The following ASH1L variants were observed in gnomAD, a reference collection of about 807,000 sequenced individuals.
The protein encoded by ASH1L is ASH1 like histone lysine methyltransferase.
Under a neutral mutation model 269.0 loss-of-function variants are expected in ASH1L, and 23 were observed. The ratio of observed to expected loss-of-function variants is 0.09; its 90% confidence interval spans 0.06 to 0.12. ASH1L has a LOEUF of 0.12. ASH1L is among the 10% of genes least tolerant of loss of function. The pLI is 1.00. For missense variants in ASH1L, 2,912 were observed against 3,567.8 expected (o/e 0.82, Z 4.68); for synonymous variants, 1,187 against 1,253.5 (o/e 0.95, Z 1.12).
intron 12 of ASH1L, among the ~76,000 whole-genome samples, chr1:155,363,634 G>A (rs1013335826): frequency 6.6e-6 from 1 of 152,088 alleles, no homozygotes; most frequent in Non-Finnish European, 1.5e-5. Flanking sequence ...TAGGTGCAAA[G>A]CCAACAAGTT....
chr1:155,467,982 C>A (rs1185452523), intron 3 of ASH1L, among the ~76,000 whole-genome samples: 2 of 152,124 alleles, frequency 1.3e-5, no homozygotes, highest in Non-Finnish European at 2.9e-5. Flanking sequence ...ACATTTGTCA[C>A]AACCAAGAAA....
At chr1:155,459,404 C>G (rs1392183532) in intron 4 of ASH1L, among the ~76,000 whole-genome samples, 3 of 152,172 alleles carry the variant, frequency 2.0e-5, no homozygotes, top group Non-Finnish European at 4.4e-5. Flanking sequence ...CCATGTTGAA[C>G]AGGGTGGTCT....
chr1:155,380,444 C>T (rs1246010226), intron 7 of ASH1L, among the ~76,000 whole-genome samples: 2 of 152,080 alleles, frequency 1.3e-5, no homozygotes, highest in East Asian at 1.9e-4. Flanking sequence ...CTGGCACCTG[C>T]TCTTCATTAT....
chr1:155,454,091 C>G (rs1292668378), intron 4 of ASH1L, among the ~76,000 whole-genome samples: 2 of 152,120 alleles, frequency 1.3e-5, no homozygotes, highest in African/African-American at 4.8e-5. Flanking sequence ...AGCGACGGAG[C>G]AAGACTCCAT....
At chr1:155,368,163 T>G (rs1203708252) in intron 12 of ASH1L, among the ~76,000 whole-genome samples, 5 of 152,116 alleles carry the variant, frequency 3.3e-5, no homozygotes, top group Admixed American at 3.3e-4. Flanking sequence ...TATTTAAATT[T>G]TATCTTTAAA....
chr1:155,540,397 C>T (rs1571108176), intron 1 of ASH1L, among the ~76,000 whole-genome samples: 4 of 152,148 alleles, frequency 2.6e-5, no homozygotes, highest in Non-Finnish European at 5.9e-5. Context: ...TTGTTGTTAA[C>T]TGCCCCTACA....
intron 13 of ASH1L, among the ~76,000 whole-genome samples, chr1:155,359,335 G>A (rs1054235471): frequency 6.6e-6 from 1 of 152,170 alleles, no homozygotes; most frequent in African/African-American, 2.4e-5. Flanking sequence ...CCAGGATGGA[G>A]TGCATTGGCG....
chr1:155,455,851 T>C (rs1411613846), intron 4 of ASH1L, among the ~76,000 whole-genome samples: 1 of 152,220 alleles, frequency 6.6e-6, no homozygotes, highest in East Asian at 1.9e-4. Context: ...TAAGAGCTTG[T>C]GGTCAGGAAC....
intron 2 of ASH1L, among the ~76,000 whole-genome samples, chr1:155,505,962 A>G (rs1259226798): frequency 6.6e-6 from 1 of 152,092 alleles, no homozygotes; most frequent in Non-Finnish European, 1.5e-5. Flanking sequence ...TACATTAGGT[A>G]TATCTCCTAA....
rs560658864 is a variant in ASH1L, at chr1:155,546,097, G to T, written c.-100+16056C>A. The stretch of plus-strand genomic sequence containing the variant: ...CGCTTGAGCCTGGGAGATGGAGGCT[G>T]CAGTGAGCTGAGATGGTGCCACTGC... On this transcript the variant is annotated intron_variant, in intron 1 of 27. Coordinates refer to ENST00000392403, the MANE Select transcript of ASH1L (RefSeq NM_018489.3). 3.3e-5 allele frequency among the ~76,000 whole-genome samples: 5 copies of T among 149,882 alleles called. No homozygotes were observed. The Admixed American group carries it at 3.4e-4, about 10-fold the overall frequency.
chr1:155,438,890 C>G lies in ASH1L; in HGVS notation c.5265G>C (p.Lys1755Asn). ...TGTCTGGTTTTCCCAGGGTTCGGTC[C>G]TTGCTGTGGCTACGGCCTGGACTGG... Reference protein sequence around the residue: ...PSSSPGRSHSKDRTLGKPDSL... With the variant: ...PSSSPGRSHSNDRTLGKPDSL... Residue 1755 changes from lysine to asparagine, a missense_variant, in exon 5 of 28, where the codon AAG becomes AAC. By Grantham distance (94) the Lys-to-Asn change is moderately conservative (BLOSUM62 0). Coordinates refer to ENST00000392403, the MANE Select transcript of ASH1L (RefSeq NM_018489.3). 2 of 1,614,162 alleles carry G rather than the reference C, an allele frequency of 1.2e-6. No homozygotes were observed. The highest frequency in any genetic ancestry group is 2.2e-5 in the East Asian group (1 of 44,878).
intron 1 of ASH1L, among the ~76,000 whole-genome samples, chr1:155,530,736 G>A (rs189039775): frequency 3.4e-5 from 5 of 147,454 alleles, no homozygotes; most frequent in East Asian, 2.0e-4. Context: ...ACTCTGTCTC[G>A]GGAAGGAAAA....
Position 155,405,479 on chromosome 1 carries a change from C to G in ASH1L, c.6009-9926G>C, listed in dbSNP as rs114979682. 4.7e-3 allele frequency among the ~76,000 whole-genome samples: 707 copies of G among 151,530 alleles called. 4 individuals carry two copies. Among genetic ancestry groups the G allele is most frequent in the African/African-American group, 0.017 (693 of 41,244 alleles). ...CCTAGGCGACAGAGTGAGACTCAGT[C>G]TCATTAAAACAAACAAACAAAACAA... On this transcript the variant is annotated intron_variant, in intron 6 of 27. Coordinates refer to ENST00000392403, the MANE Select transcript of ASH1L (RefSeq NM_018489.3).
chr1:155,403,826 A>G (rs998791822), intron 6 of ASH1L, among the ~76,000 whole-genome samples: 1 of 151,570 alleles, frequency 6.6e-6, no homozygotes, highest in Non-Finnish European at 1.5e-5. Context: ...GCGGCGATCT[A>G]TTCTGCAGAA....
At chr1:155,524,753 T>C (rs554453234) in intron 1 of ASH1L, among the ~76,000 whole-genome samples, 1 of 152,030 alleles carries the variant, frequency 6.6e-6, no homozygotes, top group South Asian at 2.1e-4. Flanking sequence ...GGTGGGAAGA[T>C]GGTTTGAGCC....
At chr1:155,381,121 T>G (rs1313611923) in intron 7 of ASH1L, among the ~76,000 whole-genome samples, 1 of 152,196 alleles carries the variant, frequency 6.6e-6, no homozygotes, top group African/African-American at 2.4e-5. Flanking sequence ...AATAAACCTA[T>G]AGCGCTACCA....
chr1:155,342,799 A>G (rs1193061877), intron 24 of ASH1L, among the ~76,000 whole-genome samples: 1 of 152,230 alleles, frequency 6.6e-6, no homozygotes, highest in Non-Finnish European at 1.5e-5. Context: ...GGAATTTGAA[A>G]TTAGTACACA....
At chr1:155,504,749 G>A (rs1452070803) in intron 2 of ASH1L, among the ~76,000 whole-genome samples, 1 of 151,686 alleles carries the variant, frequency 6.6e-6, no homozygotes, top group Non-Finnish European at 1.5e-5. Flanking sequence ...AGCTACTCGG[G>A]AGGCTGAGGC....
At chr1:155,528,762 G>T (rs1317139427) in intron 1 of ASH1L, among the ~76,000 whole-genome samples, 1 of 151,952 alleles carries the variant, frequency 6.6e-6, no homozygotes, top group African/African-American at 2.4e-5. Flanking sequence ...TTGTTACGTG[G>T]GTAAACTTGT....
Sources: allele counts gnomAD v4.1 joint callset (sites outside exome capture counted in the v4.1 genomes callset), GRCh38; gene constraint gnomAD v4.1.1; transcripts MANE v1.5; gene names NCBI Gene and HGNC (gene_info 2026-07-23, HGNC 2026-07-21).